Variants in FAM83F observed in about 807,000 individuals in gnomAD.
FAM83F encodes the protein protein FAM83F.
A neutral mutation model predicts 42.9 loss-of-function variants in FAM83F; 45 were observed. That is an observed-to-expected ratio of 1.05 (90% confidence interval 0.83 to 1.35). The LOEUF (loss-of-function observed/expected upper bound fraction) is 1.35, where lower values mean the gene tolerates loss of function less well. Among genes scored for constraint, FAM83F ranks in the 40% most tolerant of loss-of-function variants. The probability of loss-of-function intolerance (pLI) is 0.00; values close to 1 mark genes in which losing one functional copy is unlikely to be tolerated. For synonymous variants in FAM83F, 306 were observed against 298.3 expected (o/e 1.03, Z -0.27); for missense variants, 617 against 695.9 (o/e 0.89, Z 1.28).
chr22:40,008,861 G>A (rs2067449221), intron 1 of FAM83F, among the ~76,000 whole-genome samples: 1 of 152,152 alleles, frequency 6.6e-6, no homozygotes, highest in African/African-American at 2.4e-5. Context: ...TGAGTCAGAG[G>A]CTGCAGGCAG....
chr22:40,007,917 C>G (rs1252473909), intron 1 of FAM83F, among the ~76,000 whole-genome samples: 1 of 152,214 alleles, frequency 6.6e-6, no homozygotes, highest in Non-Finnish European at 1.5e-5. Context: ...ATCGTCTCCA[C>G]AGAGCACCTT....
intron 1 of FAM83F, among the ~76,000 whole-genome samples, chr22:40,000,987 T>G (rs2067398256): frequency 6.6e-6 from 1 of 152,100 alleles, no homozygotes; most frequent in Non-Finnish European, 1.5e-5. Flanking sequence ...CAGTTCAGAG[T>G]CCTTGCTGCA....
At chr22:40,006,178 T>G (rs888600015) in intron 1 of FAM83F, among the ~76,000 whole-genome samples, 33 of 151,376 alleles carry the variant, frequency 2.2e-4, no homozygotes, top group Non-Finnish European at 2.5e-4. Flanking sequence ...AGGCAGAGGT[T>G]GTAGTAAGCA....
At chr22:40,025,174 C>T (rs556543585) in intron 4 of FAM83F, among the ~76,000 whole-genome samples, 19 of 152,268 alleles carry the variant, frequency 1.2e-4, no homozygotes, top group African/African-American at 4.3e-4. Context: ...AATCCCAGTG[C>T]TTTGGGAGGC....
At chr22:40,028,525 G>A (rs915613270) in intron 4 of FAM83F, among the ~76,000 whole-genome samples, 2 of 152,104 alleles carry the variant, frequency 1.3e-5, no homozygotes, top group African/African-American at 2.4e-5. Context: ...TGGGCTCCCC[G>A]CTCCAGCGCC....
At chr22:40,010,661 A>G (rs1348617998) in intron 1 of FAM83F, among the ~76,000 whole-genome samples, 1 of 152,218 alleles carries the variant, frequency 6.6e-6, no homozygotes, top group Non-Finnish European at 1.5e-5. Flanking sequence ...TGCTTCTGCA[A>G]ACCGGTCAAG....
rs1290481721 is a variant in FAM83F, at chr22:40,029,651, G to C, written c.*86G>C. 1.2e-5 allele frequency: 19 copies of C among 1,543,222 alleles called. No individual in the cohort carries two copies. The highest frequency in any genetic ancestry group is 1.4e-5 in the African/African-American group (1 of 73,064). On this transcript the variant is annotated 3_prime_UTR_variant, in exon 5 of 5. Coordinates refer to ENST00000333407, the MANE Select transcript of FAM83F (RefSeq NM_138435.4). ...AGAGCGCAGGTCGCACACTGCACCAGTTTGCACATCAGACGCCAACTGGCC... is the reference window on the plus strand; with the variant it reads ...AGAGCGCAGGTCGCACACTGCACCACTTTGCACATCAGACGCCAACTGGCC...
rs374027635 is a variant in FAM83F at position 40,018,622 on chromosome 22, C to T, written c.490-546C>T. Among the ~76,000 whole-genome samples, 722 of 103,078 alleles carry T rather than the reference C, an allele frequency of 7.0e-3. 6 individuals are homozygous for T. The highest frequency in any genetic ancestry group is 0.025 in the African/African-American group (666 of 26,712). The allele number at this position is 103,078 out of a possible 152,430, so 67.6% of individuals were successfully genotyped here. ...CCTGGCTAATTTTTTTTTTTTTTTTCGCTCTTGTTGCCCTGGCTGGAGTGC... is the reference window on the plus strand; with the variant it reads ...CCTGGCTAATTTTTTTTTTTTTTTTTGCTCTTGTTGCCCTGGCTGGAGTGC... On this transcript the variant is annotated intron_variant, in intron 1 of 4. Transcript: ENST00000333407.
rs1942188441 is a variant in FAM83F, at chr22:39,995,342, G to A, written c.300G>A (p.Glu100=). 1.2e-5 allele frequency: 18 copies of A among 1,541,198 alleles called. No homozygotes were observed. Among genetic ancestry groups the A allele is most frequent in the Non-Finnish European group, 1.6e-5 (18 of 1,146,178 alleles). ...AGGCCCCCGCGCCGGCGCCGGCTGA[G>A]TCCGGCGAGTCCCTGGCCTACTGGC... ...KAKAPAPAPA[E]SGESLAYWPD... Residue 100 remains glutamate (E), a synonymous_variant, in exon 1 of 5, where the codon GAG becomes GAA. Transcript: ENST00000333407. This position sits in a 1 kb window ranked among gnomAD's most constrained non-coding sequence, Gnocchi z 4.6.
intron 4 of FAM83F, among the ~76,000 whole-genome samples, chr22:40,025,386 T>G (rs1009261886): frequency 8.5e-5 from 13 of 152,164 alleles, no homozygotes; most frequent in Non-Finnish European, 1.3e-4. Context: ...GCCACTGCAC[T>G]CCAGTCTGGA....
intron 1 of FAM83F, among the ~76,000 whole-genome samples, chr22:40,009,016 G>A (rs573033246): frequency 6.6e-6 from 1 of 152,310 alleles, no homozygotes; most frequent in East Asian, 1.9e-4. Flanking sequence ...CACCCTGAGA[G>A]ACTTAGGGCT....
Position 40,021,533 on chromosome 22 carries a change from G to C in FAM83F, c.1023G>C (p.Met341Ile). 1 of 1,569,286 alleles carries C rather than the reference G, an allele frequency of 6.4e-7. No individual in the cohort carries two copies. The highest frequency in any genetic ancestry group is 8.7e-7 in the Non-Finnish European group (1 of 1,152,360). ...SGCRHPPGEM[M>I]RWAARQQREA... ...GCCGCCACCCGCCTGGGGAGATGAT[G>C]CGCTGGGCTGCCCGGCAACAGCGGG... is the stretch of plus-strand genomic sequence containing the variant. Residue 341 changes from methionine (M) to isoleucine (I), a missense_variant, in exon 4 of 5, where the codon ATG becomes ATC. Transcript: ENST00000333407. The surrounding 1 kb of genome is among the most constrained non-coding windows in gnomAD (Gnocchi z 8.7).
rs1011511365 is a variant in FAM83F at position 40,039,993 on chromosome 22, A to T, written c.*10428A>T. Reference sequence around the variant, plus strand: ...GCAGGCCATTATTTAAAAAGCTAGGATAAGAAAATAGAGAAGAAAGGGAAG... The same window carrying T: ...GCAGGCCATTATTTAAAAAGCTAGGTTAAGAAAATAGAGAAGAAAGGGAAG... On this transcript the variant is annotated 3_prime_UTR_variant, in exon 5 of 5. Coordinates refer to ENST00000333407, the MANE Select transcript of FAM83F (RefSeq NM_138435.4). The T allele has an allele frequency of 6.6e-6, 1 of 152,262 alleles. No homozygotes were observed. The highest frequency in any genetic ancestry group is 2.4e-5 in the African/African-American group (1 of 41,462). The allele number at this position is 152,262 out of a possible 1,614,324, so 9.4% of individuals were successfully genotyped here.
At position 40,029,730 on chromosome 22, in the gene FAM83F, G is replaced by A; in HGVS notation, c.*165G>A. The stretch of plus-strand genomic sequence containing the variant: ...CAGGGACGCTGGATCCCAAATGAGA[G>A]GGTCCGAAGCATCTCAGTCACACGC... On this transcript the variant is annotated 3_prime_UTR_variant, in exon 5 of 5. Transcript: ENST00000333407. 3 of 1,019,426 alleles carry A rather than the reference G, an allele frequency of 2.9e-6. No individual in the cohort carries two copies. The highest frequency in any genetic ancestry group is 4.2e-6 in the Non-Finnish European group (3 of 716,560). 63.1% of individuals were successfully genotyped at this position (1,019,426 alleles called of 1,614,324 possible).
At chr22:40,002,871 C>A (rs762018135) in intron 1 of FAM83F, among the ~76,000 whole-genome samples, 2 of 152,160 alleles carry the variant, frequency 1.3e-5, no homozygotes, top group Non-Finnish European at 2.9e-5. Context: ...CATTTCGTTT[C>A]GTTAATCCAA....
In FAM83F at chr22:40,031,251, A is replaced by T. The variant is rs1427112711; in HGVS notation, c.*1686A>T. ...ATTCTGGAGGGGAGGGAAGGGAGAG[A>T]GGGGGGAGGTGGGATGTGGGGGTGT... is the stretch of plus-strand genomic sequence containing the variant. On this transcript the variant is annotated 3_prime_UTR_variant, in exon 5 of 5. Coordinates refer to ENST00000333407, the MANE Select transcript of FAM83F (RefSeq NM_138435.4). 1.0e-5 allele frequency: 1 copy of T among 97,558 alleles called. No homozygotes were observed. The highest frequency in any genetic ancestry group is 2.1e-5 in the Non-Finnish European group (1 of 47,208). 6.0% of individuals were successfully genotyped at this position (97,558 alleles called of 1,614,324 possible). A position where few individuals can be genotyped will look rare whatever the true frequency, so the allele number is the denominator to read the frequency against.
At chr22:40,019,399 C>A in intron 2 of FAM83F, 64 bp downstream of exon 2, 1 of 1,479,982 alleles carries the variant, frequency 6.8e-7, no homozygotes, top group Non-Finnish European at 9.3e-7. Flanking sequence ...TCTGCCCCGT[C>A]CTGCAGCTCC....
At position 40,039,545 on chromosome 22, in the gene FAM83F, A is replaced by C. The variant is rs939108279; in HGVS notation, c.*9980A>C. ...GTGACTTGCAAAAAGTCACGCAGCA[A>C]ACAAGCTGCAGAATGAAGGGTGGAG... On this transcript the variant is annotated 3_prime_UTR_variant, in exon 5 of 5. Transcript: ENST00000333407. 1 of 152,274 alleles carries C rather than the reference A, an allele frequency of 6.6e-6. No individual in the cohort carries two copies. Among genetic ancestry groups the C allele is most frequent in the Non-Finnish European group, 1.5e-5 (1 of 68,048 alleles). 9.4% of individuals were successfully genotyped at this position (152,274 alleles called of 1,614,324 possible).
Position 39,995,485 on chromosome 22 carries a change from C to A in FAM83F, c.443C>A (p.Pro148Gln). The A allele has an allele frequency of 6.3e-7, 1 of 1,578,718 alleles. No homozygotes were observed. The highest frequency in any genetic ancestry group is 8.6e-7 in the Non-Finnish European group (1 of 1,161,948). The change falls in exon 1 of 5, where the codon CCG becomes CAG. Residue 148 changes from proline (P) to glutamine (Q), a missense_variant. Coordinates refer to ENST00000333407, the MANE Select transcript of FAM83F (RefSeq NM_138435.4). The surrounding 1 kb of genome is among the most constrained non-coding windows in gnomAD (Gnocchi z 4.6). ...CACCCGCCCAAGGACGAGAAGGCGCCGCACCTCAAGCAGGTGGTCAGGCAG... is the reference window on the plus strand; with the variant it reads ...CACCCGCCCAAGGACGAGAAGGCGCAGCACCTCAAGCAGGTGGTCAGGCAG... Reference protein sequence around the residue: ...FTHPPKDEKAPHLKQVVRQMI... With the variant: ...FTHPPKDEKAQHLKQVVRQMI...
Sources: gnomAD v4.1 joint callset for allele counts (sites outside exome capture counted in the v4.1 genomes callset) on GRCh38, gnomAD v4.1.1 for gene constraint, Gnocchi (gnomAD v3.1) non-coding constraint, MANE v1.5 for transcripts, NCBI Gene and HGNC (gene_info 2026-07-23, HGNC 2026-07-21) for gene names.